Variants in MICAL1 observed in about 807,000 individuals in gnomAD.
MICAL1 encodes [F-actin]-monooxygenase MICAL1.
A neutral mutation model predicts 131.8 loss-of-function variants in MICAL1; 95 were observed. The observed-to-expected ratio is 0.72, with a 90% confidence interval of 0.61 to 0.86. The LOEUF is 0.86. Ranked by LOEUF, MICAL1 falls within the 40% of genes least tolerant of loss-of-function variation. The probability of loss-of-function intolerance (pLI) is 0.00; values close to 1 mark genes in which losing one functional copy is unlikely to be tolerated. For missense variants in MICAL1, 1,292 were observed against 1,380.6 expected (o/e 0.94, Z 1.02); for synonymous variants, 546 against 554.2 (o/e 0.99, Z 0.21).
rs1177610362 is a variant in MICAL1, at chr6:109,448,978, G to T, written c.1517-99C>A. ...ATGTGGGGGTTCTGTAGGGGAGGAGGAGTCAGGGACCCACCTCTACTAGGG... is the reference window on the plus strand; with the variant it reads ...ATGTGGGGGTTCTGTAGGGGAGGAGTAGTCAGGGACCCACCTCTACTAGGG... On this transcript the variant is annotated intron_variant, in intron 11 of 24. Transcript: ENST00000358807. 6.6e-6 allele frequency: 10 copies of T among 1,511,130 alleles called. No individual in the cohort carries two copies. The African/African-American group carries it at 8.2e-5, about 12-fold the overall frequency. The allele number at this position is 1,511,130 out of a possible 1,614,324, so 93.6% of individuals were successfully genotyped here. A position where few individuals can be genotyped will look rare whatever the true frequency, so the allele number is the denominator to read the frequency against.
Position 109,445,268 on chromosome 6 carries a change from T to C in MICAL1, c.2810A>G (p.Glu937Gly). Reference protein sequence around the residue: ...KAQTIQRRLNEIEAALRELEA... With the variant: ...KAQTIQRRLNGIEAALRELEA... ...TAGCTCCCTCAAGGCAGCCTCAATC[T>C]CATTTAGTCGCCGTTGGATGGTCTG... Residue 937 changes from glutamate to glycine, a missense_variant, in exon 22 of 25, where the codon GAG becomes GGG. Coordinates refer to ENST00000358807, the MANE Select transcript of MICAL1 (RefSeq NM_022765.4). 2 of 1,614,104 alleles carry C rather than the reference T, an allele frequency of 1.2e-6. No individual in the cohort carries two copies. The highest frequency in any genetic ancestry group is 2.2e-5 in the South Asian group (2 of 91,088).
chr6:109,453,895 C>A (rs753075266), intron 2 of MICAL1, 44 bp downstream of exon 2: 1 of 1,610,390 alleles, frequency 6.2e-7, no homozygotes, highest in Admixed American at 1.7e-5. Flanking sequence ...CGTCCTCTGA[C>A]TCCCCGCATG....
At chr6:109,456,106 C>G, upstream of MICAL1, 6 of 812,950 alleles carry the variant, frequency 7.4e-6, no homozygotes, top group Non-Finnish European at 8.9e-6. Context: ...GGTCAGGGCG[C>G]CCAGTGCTGG....
chr6:109,462,293 A>AT (rs968405650), intron 1 of MICAL1, among the ~76,000 whole-genome samples: 58 of 152,224 alleles, frequency 3.8e-4, no homozygotes, highest in African/African-American at 1.4e-3. Context: ...TGGACTTTCT[A>AT]TTTTTTCAGT....
chr6:109,449,536 C>T, intron 10 of MICAL1, 55 bp from the exon 11 acceptor site: 3 of 1,611,648 alleles, frequency 1.9e-6, no homozygotes, highest in Non-Finnish European at 1.7e-6. Context: ...CCCCTGAGTC[C>T]AGGGGTAAGG....
chr6:109,449,166 G>A (rs1775395024), intron 11 of MICAL1: 2 of 676,118 alleles, frequency 3.0e-6, no homozygotes, highest in East Asian at 5.4e-5. Context: ...CACCACTATG[G>A]CTGTAACGGT....
In MICAL1 at chr6:109,463,648, C is replaced by T. The variant is rs944345371; in HGVS notation, c.14+2016G>A. On this transcript the variant is annotated intron_variant, in intron 1 of 24. Transcript: ENST00000630715. ...CTGTAAGTTGTATGAAATCTAAATACAGATCAAGTATGTCCAATGAACATT... is the reference window on the plus strand; with the variant it reads ...CTGTAAGTTGTATGAAATCTAAATATAGATCAAGTATGTCCAATGAACATT... 2.0e-5 allele frequency: 3 copies of T among 152,192 alleles called. No homozygotes were observed. The South Asian group carries it at 6.2e-4, about 32-fold the overall frequency. 9.4% of individuals were successfully genotyped at this position (152,192 alleles called of 1,614,324 possible). A position where few individuals can be genotyped will look rare whatever the true frequency, so the allele number is the denominator to read the frequency against.
rs1257745194 is a variant in MICAL1, at chr6:109,447,350, C to A, written c.2070+7G>T. The A allele has an allele frequency of 6.2e-7, 1 of 1,614,008 alleles. No individual in the cohort carries two copies. The highest frequency in any genetic ancestry group is 8.5e-7 in the Non-Finnish European group (1 of 1,180,026). ...GCCTCTGCCTGCACACAAAGCCTGG[C>A]TCTCACCTCCTGGTGTTGGGATGGG... On this transcript the variant is annotated splice_region_variant and intron_variant, in intron 16 of 24. Coordinates refer to ENST00000358807, the MANE Select transcript of MICAL1 (RefSeq NM_022765.4).
At chr6:109,458,981 G>C (rs902667314), upstream of MICAL1, among the ~76,000 whole-genome samples, 2 of 152,170 alleles carry the variant, frequency 1.3e-5, no homozygotes, top group Admixed American at 6.5e-5. Context: ...TTAGAGGACA[G>C]ATGAGTACTC....
chr6:109,458,858 G>A (rs1324104873), upstream of MICAL1, among the ~76,000 whole-genome samples: 1 of 152,214 alleles, frequency 6.6e-6, no homozygotes, highest in Admixed American at 6.5e-5. Context: ...CCTGGGCCGG[G>A]AAGCTGTGGC....
intron 6 of MICAL1, 193 bp from the exon 7 acceptor site, chr6:109,451,893 A>C (rs1562292222): frequency 7.2e-7 from 1 of 1,397,248 alleles, no homozygotes; most frequent in African/African-American, 1.5e-5. Flanking sequence ...CTGAGGACTT[A>C]GAGCAAAGAG....
upstream of MICAL1, among the ~76,000 whole-genome samples, chr6:109,456,470 T>G (rs994535184): frequency 6.8e-6 from 1 of 147,922 alleles, no homozygotes; most frequent in Non-Finnish European, 1.5e-5. Flanking sequence ...CTCAGCAATC[T>G]GCAGCTTCCA....
rs770168463 is a variant in MICAL1, at chr6:109,446,259, T to C, written c.2458A>G (p.Asn820Asp). The C allele has an allele frequency of 2.5e-5, 41 of 1,613,388 alleles. No individual in the cohort carries two copies. The Admixed American group carries it at 6.7e-4, about 26-fold the overall frequency. ...SPERQRLSSL[N>D]LTPDPEMEPP... Reference sequence around the variant, plus strand: ...TCCATTTCCGGGTCAGGGGTAAGGTTAAGGGAGGACAACCGCTGGCGCTCC... The same window carrying C: ...TCCATTTCCGGGTCAGGGGTAAGGTCAAGGGAGGACAACCGCTGGCGCTCC... The change falls in exon 19 of 25, where the codon AAC becomes GAC. Residue 820 changes from asparagine (N) to aspartate (D), a missense_variant. By Grantham distance (23) the Asn-to-Asp change is conservative. Coordinates refer to ENST00000358807, the MANE Select transcript of MICAL1 (RefSeq NM_022765.4).
Position 109,446,775 on chromosome 6 carries a change from G to T in MICAL1, c.2228-3C>A. 6.2e-7 allele frequency: 1 copy of T among 1,613,076 alleles called. No individual in the cohort carries two copies. Among genetic ancestry groups the T allele is most frequent in the Non-Finnish European group, 8.5e-7 (1 of 1,179,682 alleles). ...GTGCTGGAGGCAGTAGAAATGTCCT[G>T]GAAAGGGTAGAGAGGGGAGGAGGCA... On this transcript the variant is annotated splice_region_variant and splice_polypyrimidine_tract_variant and intron_variant, in intron 17 of 24. Coordinates refer to ENST00000358807, the MANE Select transcript of MICAL1 (RefSeq NM_022765.4).
Position 109,452,357 on chromosome 6 carries a change from T to C in MICAL1, c.721A>G (p.Thr241Ala). The C allele has an allele frequency of 6.2e-7, 1 of 1,614,212 alleles. No individual in the cohort carries two copies. The highest frequency in any genetic ancestry group is 8.5e-7 in the Non-Finnish European group (1 of 1,180,022). ...GTGCGTCCATTCACAAAGTTGGCTG[T>C]GATGCCAATGGCCAGTTTGCCTCGC... ...EMRGKLAIGI[T>A]ANFVNGRTVE... Residue 241 changes from threonine to alanine, a missense_variant, in exon 6 of 25, where the codon ACA (threonine) becomes GCA (alanine). By Grantham distance (58) the Thr-to-Ala change is moderately conservative (BLOSUM62 0). Coordinates refer to ENST00000358807, the MANE Select transcript of MICAL1 (RefSeq NM_022765.4).
At chr6:109,446,447 G>A (rs750899673) in intron 18 of MICAL1, 35 bp from the exon 19 acceptor site, 5 of 606,148 alleles carry the variant, frequency 8.2e-6, no homozygotes, top group African/African-American at 1.4e-4. Flanking sequence ...AGGTCGGGGG[G>A]TGAGGCCACC....
At chr6:109,460,348 ACTCAGGAG>A, upstream of MICAL1, among the ~76,000 whole-genome samples, 1 of 150,460 alleles carries the variant, frequency 6.6e-6, no homozygotes, top group East Asian at 2.0e-4. Context: ...GGTCCCAGGT[ACTCAGGAG>A]GCTAAGAGGC....
intron 6 of MICAL1, 118 bp from the exon 7 acceptor site, chr6:109,451,818 C>A: frequency 2.0e-6 from 3 of 1,496,430 alleles, no homozygotes; most frequent in Non-Finnish European, 2.7e-6. Context: ...GCGGTGAGTG[C>A]TCCACGCATA....
chr6:109,451,701 CT>C lies in MICAL1; in HGVS notation c.833-2del. 6.2e-7 allele frequency: 1 copy of C among 1,613,946 alleles called. No homozygotes were observed. Among genetic ancestry groups the C allele is most frequent in the Non-Finnish European group, 8.5e-7 (1 of 1,179,922 alleles). On this transcript the variant is annotated splice_acceptor_variant, in intron 6 of 24. Coordinates refer to ENST00000358807, the MANE Select transcript of MICAL1 (RefSeq NM_022765.4). LOFTEE classifies it high-confidence loss of function. ...TACACAATGTTCTCCAGATCAATGC[CT>C]GGGGGTACAGGGCAGGGGACAGTAG... is the stretch of plus-strand genomic sequence containing the variant.
Sources: allele counts gnomAD v4.1 joint callset (sites outside exome capture counted in the v4.1 genomes callset), GRCh38; gene constraint gnomAD v4.1.1; transcripts MANE v1.5; gene names NCBI Gene and HGNC (gene_info 2026-07-23, HGNC 2026-07-21).